NEGR1: variants seen among roughly 807,000 people sequenced by gnomAD.
NEGR1 encodes IgLON family member 4.
In NEGR1, 10 loss-of-function variants were observed where a neutral mutation model predicts 40.9. The ratio of observed to expected loss-of-function variants is 0.24; its 90% confidence interval spans 0.15 to 0.42. NEGR1 has a LOEUF of 0.42. NEGR1 is among the 10% of genes least tolerant of loss of function. The pLI is 1.00. For synonymous variants in NEGR1, 185 were observed against 166.8 expected (o/e 1.11, Z -0.84); for missense variants, 352 against 438.9 (o/e 0.80, Z 1.77).
chr1:71,957,377 C>A (rs1187833072), intron 1 of NEGR1, among the ~76,000 whole-genome samples: 1 of 152,016 alleles, frequency 6.6e-6, no homozygotes, highest in East Asian at 1.9e-4. Context: ...TTTATGAACA[C>A]TAAAAGTTAT....
intron 2 of NEGR1, among the ~76,000 whole-genome samples, chr1:71,883,122 C>G (rs1660626552): frequency 6.6e-6 from 1 of 152,102 alleles, no homozygotes; most frequent in Non-Finnish European, 1.5e-5. Flanking sequence ...TCTAACAAAG[C>G]ATTGCTTCAA....
chr1:71,990,052 A>C (rs2100356002), intron 1 of NEGR1, among the ~76,000 whole-genome samples: 1 of 152,318 alleles, frequency 6.6e-6, no homozygotes, highest in African/African-American at 2.4e-5. Context: ...TTATGATTAA[A>C]GGTTTACTTT....
intron 2 of NEGR1, among the ~76,000 whole-genome samples, chr1:71,868,572 G>C (rs978318587): frequency 3.9e-5 from 6 of 151,936 alleles, no homozygotes; most frequent in African/African-American, 1.5e-4. Flanking sequence ...CTTGCAAGCT[G>C]TTCATACAAA....
At chr1:72,282,273 G>C (rs534244724) in intron 1 of NEGR1, 46 bp downstream of exon 1, 1 of 1,606,624 alleles carries the variant, frequency 6.2e-7, no homozygotes, top group Non-Finnish European at 8.5e-7. Context: ...AAGAGAGACA[G>C]AAAGATAGAC....
chr1:71,498,772 A>G (rs1456036664), intron 6 of NEGR1, among the ~76,000 whole-genome samples: 1 of 152,098 alleles, frequency 6.6e-6, no homozygotes. Flanking sequence ...CAATGTGCAT[A>G]CTCATGACCA....
chr1:71,834,206 T>C (rs570827162), intron 2 of NEGR1, among the ~76,000 whole-genome samples: 104 of 152,208 alleles, frequency 6.8e-4, no homozygotes, highest in Non-Finnish European at 1.1e-3. Context: ...AAGAAGAAAT[T>C]GGTATCTAGC....
chr1:72,131,198 C>A (rs372172415), intron 1 of NEGR1, among the ~76,000 whole-genome samples: 2 of 152,072 alleles, frequency 1.3e-5, no homozygotes, highest in Admixed American at 1.3e-4. Context: ...TAGAAACCAC[C>A]CGCTGCAGGT....
chr1:71,555,757 T>A (rs1277614914), intron 6 of NEGR1, among the ~76,000 whole-genome samples: 1 of 151,626 alleles, frequency 6.6e-6, no homozygotes, highest in African/African-American at 2.4e-5. Flanking sequence ...TGGAAATCAC[T>A]TTTGATACCC....
intron 3 of NEGR1, among the ~76,000 whole-genome samples, chr1:71,711,560 A>G (rs947222254): frequency 1.3e-5 from 2 of 151,896 alleles, no homozygotes; most frequent in African/African-American, 2.4e-5. Context: ...GTGAGTGTGA[A>G]ATGGTGTGGC....
intron 2 of NEGR1, among the ~76,000 whole-genome samples, chr1:71,929,456 T>C (rs886511863): frequency 6.6e-6 from 1 of 152,180 alleles, no homozygotes; most frequent in Admixed American, 6.6e-5. Flanking sequence ...AAGATTGGGT[T>C]CCCATGTATA....
chr1:71,804,223 T>C (rs1223119338), intron 2 of NEGR1, among the ~76,000 whole-genome samples: 1 of 152,182 alleles, frequency 6.6e-6, no homozygotes, highest in Non-Finnish European at 1.5e-5. Flanking sequence ...GTTTGTTTTT[T>C]CATGTTTTAT....
At chr1:72,063,891 G>A (rs545705825) in intron 1 of NEGR1, among the ~76,000 whole-genome samples, 1 of 151,812 alleles carries the variant, frequency 6.6e-6, no homozygotes, top group Non-Finnish European at 1.5e-5. Context: ...CCCCCTGTAA[G>A]ATGTAGTCGG....
chr1:71,726,632 CT>C (rs1333699161), intron 3 of NEGR1, among the ~76,000 whole-genome samples: 4 of 152,006 alleles, frequency 2.6e-5, no homozygotes, highest in Admixed American at 2.6e-4. Flanking sequence ...TTCTTAATGT[CT>C]TTAATCTCAG....
intron 6 of NEGR1, among the ~76,000 whole-genome samples, chr1:71,589,009 T>C (rs761226742): frequency 5.1e-4 from 78 of 152,238 alleles, no homozygotes; most frequent in Non-Finnish European, 8.8e-4. Context: ...AAGCGCAATT[T>C]ATTATCCATG....
chr1:71,994,392 G>A (rs1277399789), intron 1 of NEGR1, among the ~76,000 whole-genome samples: 1 of 152,012 alleles, frequency 6.6e-6, no homozygotes, highest in African/African-American at 2.4e-5. Context: ...GCCGGGCGTG[G>A]TGGTGGGCGC....
chr1:71,501,482 T>A (rs1215757807), intron 6 of NEGR1, among the ~76,000 whole-genome samples: 2 of 152,160 alleles, frequency 1.3e-5, no homozygotes, highest in Non-Finnish European at 2.9e-5. Flanking sequence ...AATTGGGAAA[T>A]GTTAAATCTA....
intron 1 of NEGR1, among the ~76,000 whole-genome samples, chr1:72,116,817 T>G (rs2100281209): frequency 6.6e-6 from 1 of 151,850 alleles, no homozygotes; most frequent in South Asian, 2.1e-4. Flanking sequence ...TAGAAACAAT[T>G]TGCTAACACT....
intron 4 of NEGR1, among the ~76,000 whole-genome samples, chr1:71,649,154 T>A (rs1350463413): frequency 6.6e-6 from 1 of 152,136 alleles, no homozygotes; most frequent in East Asian, 1.9e-4. Flanking sequence ...AAGATGTTAT[T>A]ATTTTACCTC....
At chr1:72,003,610 A>G (rs969279736) in intron 1 of NEGR1, among the ~76,000 whole-genome samples, 1 of 139,504 alleles carries the variant, frequency 7.2e-6, no homozygotes, top group Admixed American at 7.4e-5. Flanking sequence ...ATAGGATTAA[A>G]TTTTGTTTTT....
Sources: allele counts gnomAD v4.1 joint callset (sites outside exome capture counted in the v4.1 genomes callset), GRCh38; gene constraint gnomAD v4.1.1; transcripts MANE v1.5; gene names NCBI Gene and HGNC (gene_info 2026-07-23, HGNC 2026-07-21).